SMARCAD1: variants seen among roughly 807,000 people sequenced by gnomAD.
SMARCAD1 encodes the protein SWI/SNF-related matrix-associated actin-dependent regulator of chromatin subfamily A containing DEAD/H box 1.
Under a neutral mutation model 127.1 loss-of-function variants are expected in SMARCAD1, and 25 were observed. The observed-to-expected ratio is 0.20, with a 90% CI of 0.14 to 0.27. SMARCAD1 has a LOEUF of 0.27. SMARCAD1 is among the 10% of genes least tolerant of loss of function. The pLI is 1.00. For missense variants in SMARCAD1, 807 were observed against 1,206.0 expected (o/e 0.67, Z 4.90); for synonymous variants, 400 against 396.9 (o/e 1.01, Z -0.09).
At chr4:94,286,697 A>G (rs1754984795) in intron 23 of SMARCAD1, among the ~76,000 whole-genome samples, 1 of 152,106 alleles carries the variant, frequency 6.6e-6, no homozygotes, top group East Asian at 1.9e-4. Flanking sequence ...GGTGATGTGT[A>G]TGTTTGATCA....
intron 23 of SMARCAD1, 103 bp from the exon 24 acceptor site, chr4:94,289,370 G>T: frequency 9.3e-7 from 1 of 1,071,174 alleles, no homozygotes; most frequent in South Asian, 1.3e-5. Context: ...ACTAGCCCTT[G>T]AAAGATGAGT....
intron 3 of SMARCAD1, among the ~76,000 whole-genome samples, chr4:94,228,492 T>C (rs1745356426): frequency 6.6e-6 from 1 of 152,196 alleles, no homozygotes; most frequent in Non-Finnish European, 1.5e-5. Context: ...TTATCTAATA[T>C]ACTTTTCATA....
intron 10 of SMARCAD1, among the ~76,000 whole-genome samples, chr4:94,267,996 A>G (rs1281863980): frequency 6.6e-6 from 1 of 152,166 alleles, no homozygotes; most frequent in African/African-American, 2.4e-5. Flanking sequence ...GTCTATCAAA[A>G]TTGCATTTTC....
intron 6 of SMARCAD1, among the ~76,000 whole-genome samples, chr4:94,243,826 C>T (rs1031122521): frequency 6.6e-6 from 1 of 152,070 alleles, no homozygotes; most frequent in African/African-American, 2.4e-5. Context: ...GTGATCTTTT[C>T]TATTTGAAAA....
At chr4:94,245,067 C>T (rs1748210168) in intron 6 of SMARCAD1, among the ~76,000 whole-genome samples, 1 of 152,122 alleles carries the variant, frequency 6.6e-6, no homozygotes, top group South Asian at 2.1e-4. Context: ...TTATGTGTGG[C>T]AGAAAATTGC....
In SMARCAD1 at chr4:94,290,888, G is replaced by A. The variant is rs753938349; in HGVS notation, c.*1354G>A. On this transcript the variant is annotated 3_prime_UTR_variant, in exon 24 of 24. Transcript: ENST00000354268. ...AACTTGCTAAGATGCTAGGTAGTAC[G>A]ACCCTCTGGATTTGGAAGGCAAATA... 33 of 453,472 alleles carry A rather than the reference G, an allele frequency of 7.3e-5. No individual in the cohort carries two copies. The highest frequency in any genetic ancestry group is 4.9e-4 in the East Asian group (7 of 14,386). The allele number at this position is 453,472 out of a possible 1,614,324, so 28.1% of individuals were successfully genotyped here. A position where few individuals can be genotyped will look rare whatever the true frequency, so the allele number is the denominator to read the frequency against.
chr4:94,232,292 AT>A (rs2125854016), intron 3 of SMARCAD1, among the ~76,000 whole-genome samples: 1 of 152,332 alleles, frequency 6.6e-6, no homozygotes, highest in African/African-American at 2.4e-5. Context: ...AGGCACATGA[AT>A]TTGTTAGATC....
At chr4:94,236,591 G>A (rs181544772) in intron 4 of SMARCAD1, among the ~76,000 whole-genome samples, 3 of 151,978 alleles carry the variant, frequency 2.0e-5, no homozygotes, top group African/African-American at 4.8e-5. Context: ...ATACACAAAC[G>A]TGAGCATGCA....
At chr4:94,285,121 CTAAT>C in intron 23 of SMARCAD1, 52 bp downstream of exon 23, 1 of 1,181,252 alleles carries the variant, frequency 8.5e-7, no homozygotes, top group Non-Finnish European at 1.3e-6. Context: ...GACCATGCAT[CTAAT>C]TAGTCAGTGC....
intron 4 of SMARCAD1, among the ~76,000 whole-genome samples, chr4:94,236,398 A>C (rs543356838): frequency 8.4e-4 from 128 of 152,316 alleles, no homozygotes; most frequent in African/African-American, 3.1e-3. Context: ...TATGTTCTTG[A>C]AAAGATTCAG....
At chr4:94,264,970 T>C (rs1751516720) in intron 10 of SMARCAD1, 64 bp downstream of exon 10, 2 of 1,485,430 alleles carry the variant, frequency 1.3e-6, no homozygotes, top group Non-Finnish European at 1.8e-6. Flanking sequence ...CTGAATTTAT[T>C]TCTGTATCGT....
chr4:94,264,461 C>A lies in SMARCAD1; in HGVS notation c.1282-246C>A, dbSNP rs1005685657. 3 of 339,676 alleles carry A rather than the reference C, an allele frequency of 8.8e-6. No homozygotes were observed. In the East Asian group the frequency reaches 1.5e-4, roughly 17 times the overall value. The allele number at this position is 339,676 out of a possible 1,614,324, so 21.0% of individuals were successfully genotyped here. On this transcript the variant is annotated intron_variant, in intron 9 of 23. Coordinates refer to ENST00000354268, the MANE Select transcript of SMARCAD1 (RefSeq NM_020159.5). Reference sequence around the variant, plus strand: ...TCAAAGTAACAAGTTTGGGATTATGCATTTTTTGAGGTAAGATATATTTTA... The same window carrying A: ...TCAAAGTAACAAGTTTGGGATTATGAATTTTTTGAGGTAAGATATATTTTA...
intron 10 of SMARCAD1, among the ~76,000 whole-genome samples, chr4:94,267,285 A>G (rs915683694): frequency 1.3e-5 from 2 of 152,180 alleles, no homozygotes; most frequent in Non-Finnish European, 2.9e-5. Context: ...CACTAACTCA[A>G]AAGTAGTAGG....
At chr4:94,282,111 T>G (rs1296819132) in intron 21 of SMARCAD1, among the ~76,000 whole-genome samples, 3 of 90,832 alleles carry the variant, frequency 3.3e-5, no homozygotes, top group South Asian at 8.2e-4. Context: ...TTTTTTTTTT[T>G]TTTTTTGAGA....
At chr4:94,221,465 T>G (rs1442741740) in intron 2 of SMARCAD1, among the ~76,000 whole-genome samples, 1 of 152,132 alleles carries the variant, frequency 6.6e-6, no homozygotes, top group East Asian at 1.9e-4. Flanking sequence ...CACAATAATC[T>G]AAAAAGGCTA....
intron 3 of SMARCAD1, 116 bp from the exon 4 acceptor site, chr4:94,233,838 T>G (rs1746225934): frequency 9.1e-7 from 1 of 1,099,238 alleles, no homozygotes. Context: ...ATAGATTGCA[T>G]TTACTATTGA....
chr4:94,231,347 G>GGCTA (rs1240985119), intron 3 of SMARCAD1, among the ~76,000 whole-genome samples: 5 of 152,142 alleles, frequency 3.3e-5, no homozygotes, highest in Non-Finnish European at 5.9e-5. Context: ...ATGTAGAAAG[G>GGCTA]GCTAGAATGC....
At chr4:94,217,171 C>G (rs888467821) in intron 2 of SMARCAD1, among the ~76,000 whole-genome samples, 8 of 152,106 alleles carry the variant, frequency 5.3e-5, no homozygotes, top group African/African-American at 1.9e-4. Context: ...TGATTTTTAA[C>G]TTTAAATCTC....
At chr4:94,231,931 A>G (rs1745905175) in intron 3 of SMARCAD1, among the ~76,000 whole-genome samples, 1 of 151,954 alleles carries the variant, frequency 6.6e-6, no homozygotes, top group African/African-American at 2.4e-5. Context: ...GTGTGATCTC[A>G]GCTCACTGCA....
Sources: allele counts gnomAD v4.1 joint callset (sites outside exome capture counted in the v4.1 genomes callset), GRCh38; gene constraint gnomAD v4.1.1; transcripts MANE v1.5; gene names NCBI Gene and HGNC (gene_info 2026-07-23, HGNC 2026-07-21).